Variants in KCNQ1 observed in about 807,000 individuals in gnomAD.
KCNQ1 encodes the protein potassium voltage-gated channel subfamily KQT member 1.
KCNQ1 carries 49 observed loss-of-function variants against 72.4 expected under a neutral mutation model. The ratio of observed to expected loss-of-function variants is 0.68; its 90% CI spans 0.54 to 0.86. The LOEUF is 0.86. Among genes scored for constraint, KCNQ1 ranks in the 40% least tolerant of loss-of-function variants. KCNQ1 has a pLI of 0.00. For synonymous variants in KCNQ1, 450 were observed against 412.6 expected (o/e 1.09, Z -1.10); for missense variants, 790 against 945.1 (o/e 0.84, Z 2.15).
chr11:2,561,169 C>T (rs1848159918), intron 2 of KCNQ1, among the ~76,000 whole-genome samples: 1 of 147,718 alleles, frequency 6.8e-6, no homozygotes, highest in African/African-American at 2.5e-5. Context: ...CGCCACTGCA[C>T]TCCAGCCTGG....
chr11:2,833,761 G>A (rs913043649), intron 15 of KCNQ1, among the ~76,000 whole-genome samples: 27 of 152,388 alleles, frequency 1.8e-4, no homozygotes, highest in East Asian at 1.2e-3. Flanking sequence ...CAAGTGCCCC[G>A]AGACGGGACC....
At position 2,663,377 on chromosome 11, in the gene KCNQ1, C is replaced by G. The variant is rs1850004907; in HGVS notation, c.1514+1296C>G. On this transcript the variant is annotated intron_variant, in intron 11 of 15. Transcript: ENST00000155840. The surrounding 1 kb of genome is among the most constrained non-coding windows in gnomAD (Gnocchi z 5.2). ...GATGGGCTGCCCAGGTACAGGTCAG[C>G]ACCAGAAGGCAGAATGATGGCTTAC... 1 of 398,710 alleles carries G rather than the reference C, an allele frequency of 2.5e-6. No individual in the cohort carries two copies. 24.7% of individuals were successfully genotyped at this position (398,710 alleles called of 1,614,324 possible). A position where few individuals can be genotyped will look rare whatever the true frequency, so the allele number is the denominator to read the frequency against.
chr11:2,645,048 T>A lies in KCNQ1; in HGVS notation c.1394-16913T>A, dbSNP rs1849645730. ...TGGGCCTCCAGGCAACTTGCTCAGG[T>A]GCCAATGATGACAGAGCTGGGCCAC... is the stretch of plus-strand genomic sequence containing the variant. On this transcript the variant is annotated intron_variant, in intron 10 of 15. Transcript: ENST00000155840. The surrounding 1 kb of genome is among the most constrained non-coding windows in gnomAD (Gnocchi z 5.8). 5.0e-6 allele frequency: 2 copies of A among 398,808 alleles called. No homozygotes were observed. Among genetic ancestry groups the A allele is most frequent in the Admixed American group, 8.8e-5 (2 of 22,744 alleles). The allele number at this position is 398,808 out of a possible 1,614,324, so 24.7% of individuals were successfully genotyped here.
intron 1 of KCNQ1, among the ~76,000 whole-genome samples, chr11:2,522,272 G>A (rs1372469232): frequency 7.0e-4 from 14 of 20,078 alleles, no homozygotes; most frequent in African/African-American, 3.5e-3. Context: ...ACATGAGCTG[G>A]GGGGGGGTCG....
chr11:2,566,574 A>G lies in KCNQ1; in HGVS notation c.478-4054A>G, dbSNP rs1032239737. Among the ~76,000 whole-genome samples the G allele has an allele frequency of 2.0e-5, 3 of 152,130 alleles. No homozygotes were observed. Among genetic ancestry groups the G allele is most frequent in the African/African-American group, 4.8e-5 (2 of 41,426 alleles). On this transcript the variant is annotated intron_variant, in intron 2 of 15. Coordinates refer to ENST00000155840, the MANE Select transcript of KCNQ1 (RefSeq NM_000218.3). This position sits in a 1 kb window ranked among gnomAD's most constrained non-coding sequence, Gnocchi z 6.7. ...CTGAGGCCCTTTTGTCCATGAAGCC[A>G]TCTGCAGCCAGGAGGCGGCCTTGCT...
At position 2,598,566 on chromosome 11, in the gene KCNQ1, C is replaced by T. The variant is rs4930131; in HGVS notation, c.1393+9712C>T. 0.26 allele frequency among the ~76,000 whole-genome samples: 39,674 copies of T among 150,406 alleles called. 8,099 individuals are homozygous for T. Among genetic ancestry groups the T allele is most frequent in the African/African-American group, 0.56 (22,642 of 40,616 alleles). On this transcript the variant is annotated intron_variant, in intron 10 of 15. Transcript: ENST00000155840. The surrounding 1 kb of genome is among the most constrained non-coding windows in gnomAD (Gnocchi z 6.2). ...TGTACATTGAGATGGATTGTGTATACATACTTATTCATTGCCTCATTTAGG... is the reference window on the plus strand; with the variant it reads ...TGTACATTGAGATGGATTGTGTATATATACTTATTCATTGCCTCATTTAGG...
chr11:2,650,508 TA>T (rs1169719715), intron 10 of KCNQ1: 2 of 398,554 alleles, frequency 5.0e-6, no homozygotes, highest in African/African-American at 4.1e-5. Flanking sequence ...TACAATTAAT[TA>T]GACTATAATC....
intron 15 of KCNQ1, among the ~76,000 whole-genome samples, chr11:2,811,720 G>T (rs918637166): frequency 3.3e-5 from 5 of 152,206 alleles, no homozygotes; most frequent in East Asian, 1.9e-4. Context: ...AGGTCAGTGT[G>T]GGGGGCTGCG....
chr11:2,618,919 G>T, intron 10 of KCNQ1: 1 of 398,120 alleles, frequency 2.5e-6, no homozygotes, highest in East Asian at 3.6e-5. Context: ...TTATTCCTAA[G>T]CAATTTTTTT....
At chr11:2,570,813 C>T (rs765330468) in intron 3 of KCNQ1, 59 bp downstream of exon 3, 10 of 1,599,790 alleles carry the variant, frequency 6.3e-6, no homozygotes, top group Non-Finnish European at 7.6e-6. Context: ...GAAGGACCCC[C>T]ACCTCATGAC....
Position 2,509,128 on chromosome 11 carries a change from G to C in KCNQ1, c.387-18800G>C, listed in dbSNP as rs192777064. The stretch of plus-strand genomic sequence containing the variant: ...CATACTGGGGAATTTGGGGGTCCCT[G>C]GGGGAAGGACTCTGTTACCAAAAGC... On this transcript the variant is annotated intron_variant, in intron 1 of 15. Coordinates refer to ENST00000155840, the MANE Select transcript of KCNQ1 (RefSeq NM_000218.3). The surrounding 1 kb of genome is among the most constrained non-coding windows in gnomAD (Gnocchi z 6.3). 1.0e-3 allele frequency among the ~76,000 whole-genome samples: 154 copies of C among 152,336 alleles called. 1 individual carries two copies. Among genetic ancestry groups the C allele is most frequent in the African/African-American group, 3.6e-3 (151 of 41,572 alleles).
chr11:2,479,705 C>T lies in KCNQ1; in HGVS notation c.386+34221C>T, dbSNP rs1314899536. Among the ~76,000 whole-genome samples the T allele has an allele frequency of 6.6e-6, 1 of 152,212 alleles. No individual in the cohort carries two copies. ...GCCCTGGAGACATTTTCCCCATTGT[C>T]TTAGTGATTAACATTTGGCTTCTTG... On this transcript the variant is annotated intron_variant, in intron 1 of 15. Coordinates refer to ENST00000155840, the MANE Select transcript of KCNQ1 (RefSeq NM_000218.3). The surrounding 1 kb of genome is among the most constrained non-coding windows in gnomAD (Gnocchi z 4.6).
In KCNQ1 at chr11:2,567,792, G is replaced by A. The variant is rs61079027; in HGVS notation, c.478-2836G>A. Among the ~76,000 whole-genome samples the A allele has an allele frequency of 6.8e-3, 1,034 of 152,244 alleles. 6 individuals are homozygous for A. Among genetic ancestry groups the A allele is most frequent in the African/African-American group, 0.023 (952 of 41,530 alleles). On this transcript the variant is annotated intron_variant, in intron 2 of 15. Transcript: ENST00000155840. This position sits in a 1 kb window ranked among gnomAD's most constrained non-coding sequence, Gnocchi z 6.6. ...CACAGGCAGGAGTCCTGCCATCTTCGAAGGCCAGCCCCTAAACAGGTTCCC... is the reference window on the plus strand; with the variant it reads ...CACAGGCAGGAGTCCTGCCATCTTCAAAGGCCAGCCCCTAAACAGGTTCCC...
chr11:2,662,087 T>C lies in KCNQ1; in HGVS notation c.1514+6T>C. 6.2e-7 allele frequency: 1 copy of C among 1,614,068 alleles called. No homozygotes were observed. Among genetic ancestry groups the C allele is most frequent in the Non-Finnish European group, 8.5e-7 (1 of 1,180,012 alleles). ...CCCATCACCCACATCTCACAGTGAG[T>C]GCCTACATGTGCGTGAAGGGCTGGG... On this transcript the variant is annotated splice_donor_region_variant and intron_variant, in intron 11 of 15. Coordinates refer to ENST00000155840, the MANE Select transcript of KCNQ1 (RefSeq NM_000218.3).
chr11:2,825,486 C>T (rs1436999071), intron 15 of KCNQ1, among the ~76,000 whole-genome samples: 2 of 152,192 alleles, frequency 1.3e-5, no homozygotes, highest in African/African-American at 2.4e-5. Context: ...TCCCTCCAGT[C>T]GTCCAGCCCT....
chr11:2,514,051 G>T (rs1424834237), intron 1 of KCNQ1, among the ~76,000 whole-genome samples: 1 of 152,202 alleles, frequency 6.6e-6, no homozygotes, highest in African/African-American at 2.4e-5. Flanking sequence ...GGGGTGTGCA[G>T]GTCACTCCTG....
rs980910483 is a variant in KCNQ1 at position 2,748,018 on chromosome 11, C to T, written c.1515-20826C>T. ...AGCAGAATACTTCAAGAAGACCACT[C>T]GGGCCTAGGGCTCTGCAAGCAATAT... On this transcript the variant is annotated intron_variant, in intron 11 of 15. Coordinates refer to ENST00000155840, the MANE Select transcript of KCNQ1 (RefSeq NM_000218.3). The surrounding 1 kb of genome is among the most constrained non-coding windows in gnomAD (Gnocchi z 6.2). 2.0e-5 allele frequency among the ~76,000 whole-genome samples: 3 copies of T among 152,184 alleles called. No individual in the cohort carries two copies. Among genetic ancestry groups the T allele is most frequent in the East Asian group, 1.9e-4 (1 of 5,198 alleles).
intron 1 of KCNQ1, among the ~76,000 whole-genome samples, chr11:2,503,445 A>C (rs1847048281): frequency 6.6e-6 from 1 of 151,910 alleles, no homozygotes; most frequent in Non-Finnish European, 1.5e-5. Context: ...AAGGACAGAA[A>C]ACCAAACACC....
intron 15 of KCNQ1, among the ~76,000 whole-genome samples, chr11:2,823,654 G>A (rs1847784165): frequency 6.6e-6 from 1 of 152,206 alleles, no homozygotes; most frequent in African/African-American, 2.4e-5. Context: ...AAAATAGGTG[G>A]GACTGGGAAG....
Sources: allele counts gnomAD v4.1 joint callset (sites outside exome capture counted in the v4.1 genomes callset), GRCh38; gene constraint gnomAD v4.1.1; non-coding constraint Gnocchi (gnomAD v3.1); transcripts MANE v1.5; gene names NCBI Gene and HGNC (gene_info 2026-07-23, HGNC 2026-07-21).